The following JRK variants were observed in gnomAD, a reference collection of about 807,000 sequenced individuals.
JRK encodes the protein Jrk helix-turn-helix protein.
For synonymous variants in JRK, 303 were observed against 218.1 expected, an observed-to-expected ratio of 1.39 and a Z score of -3.43; for missense variants, 720 against 509.2, an observed-to-expected ratio of 1.41 and a Z score of -3.98.
chr8:142,654,379 T>A (rs1846713642), downstream of JRK, among the ~76,000 whole-genome samples: 4 of 152,066 alleles, frequency 2.6e-5, no homozygotes, highest in South Asian at 8.3e-4. Flanking sequence ...TCCCTGCTGA[T>A]GTCTTCCCTC....
At position 142,662,344 on chromosome 8, in the gene JRK, C is replaced by T; in HGVS notation, c.*2008G>A. Reference sequence around the variant, plus strand: ...AGCTCCACCCACCCAGGATGTCCTACTGTTTCAGAGCCCTCGGGACATGTT... The same window carrying T: ...AGCTCCACCCACCCAGGATGTCCTATTGTTTCAGAGCCCTCGGGACATGTT... On this transcript the variant is annotated 3_prime_UTR_variant, in exon 2 of 2. Transcript: ENST00000612905. 1 of 985,636 alleles carries T rather than the reference C, an allele frequency of 1.0e-6. No homozygotes were observed. Among genetic ancestry groups the T allele is most frequent in the Non-Finnish European group, 1.2e-6 (1 of 830,076 alleles). The allele number at this position is 985,636 out of a possible 1,614,324, so 61.1% of individuals were successfully genotyped here. A position where few individuals can be genotyped will look rare whatever the true frequency, so the allele number is the denominator to read the frequency against.
In JRK at chr8:142,660,594, G is replaced by A. The variant is rs1423340872; in HGVS notation, c.*3758C>T. ...TTCTTTTACTTTCTGTAGAGATGGG[G>A]TCTCCCTATGTTGCCCAGGCTGGTT... On this transcript the variant is annotated 3_prime_UTR_variant, in exon 2 of 2. Transcript: ENST00000612905. 7 of 731,454 alleles carry A rather than the reference G, an allele frequency of 9.6e-6. No individual in the cohort carries two copies. The highest frequency in any genetic ancestry group is 1.0e-5 in the Non-Finnish European group (6 of 600,182). The allele number at this position is 731,454 out of a possible 1,614,324, so 45.3% of individuals were successfully genotyped here.
intron 1 of JRK, among the ~76,000 whole-genome samples, chr8:142,669,638 C>CA (rs782629602): frequency 1.3e-5 from 2 of 152,058 alleles, no homozygotes; most frequent in South Asian, 2.1e-4. Context: ...GCGTCAAGGC[C>CA]AGGCCTGGCG....
Position 142,662,806 on chromosome 8 carries a change from A to C in JRK, c.*1546T>G, listed in dbSNP as rs938064962. On this transcript the variant is annotated 3_prime_UTR_variant, in exon 2 of 2. Transcript: ENST00000612905. ...AACTACGTGCTGACTCGGCCAAATGATATGAATTTAAGAGAGGAAAAGAAT... is the reference window on the plus strand; with the variant it reads ...AACTACGTGCTGACTCGGCCAAATGCTATGAATTTAAGAGAGGAAAAGAAT... 32 of 985,350 alleles carry C rather than the reference A, an allele frequency of 3.2e-5. No individual in the cohort carries two copies. In the African/African-American group the frequency reaches 4.5e-4, roughly 14 times the overall value. The allele number at this position is 985,350 out of a possible 1,614,324, so 61.0% of individuals were successfully genotyped here.
the JRK span, among the ~76,000 whole-genome samples, chr8:142,648,536 T>C: frequency 6.6e-6 from 1 of 152,246 alleles, no homozygotes; most frequent in Non-Finnish European, 1.5e-5. Flanking sequence ...CTTGGCAGTT[T>C]CCACATGGTG....
chr8:142,646,977 A>AC, the JRK span, among the ~76,000 whole-genome samples: 1 of 152,210 alleles, frequency 6.6e-6, no homozygotes, highest in African/African-American at 2.4e-5. Flanking sequence ...ATATTGAAGG[A>AC]AATGACTCTT....
chr8:142,665,128 C>T lies in JRK; in HGVS notation c.931G>A (p.Val311Met), dbSNP rs895853633. Residue 311 changes from valine to methionine, a missense_variant, in exon 2 of 2, where the codon GTG (valine) becomes ATG (methionine). Coordinates refer to ENST00000612905, the MANE Select transcript of JRK (RefSeq NM_003724.4). ...AAGATGGTGAAAACGTTACTGGACA[C>T]CAGCTCGGCCTCCTGCGGGTGAGCC... ...SRAHPQEAELVSSNVFTIFLP... is the reference protein window; with the variant it reads ...SRAHPQEAELMSSNVFTIFLP... The T allele has an allele frequency of 2.8e-6, 2 of 717,742 alleles. No homozygotes were observed. Among genetic ancestry groups the T allele is most frequent in the Admixed American group, 2.0e-5 (1 of 50,004 alleles). 44.5% of individuals were successfully genotyped at this position (717,742 alleles called of 1,614,324 possible).
the JRK span, among the ~76,000 whole-genome samples, chr8:142,646,547 C>T: frequency 6.6e-6 from 1 of 152,156 alleles, no homozygotes; most frequent in African/African-American, 2.4e-5. Flanking sequence ...TGACACCTTA[C>T]AGTATTTGGC....
intron 1 of JRK, among the ~76,000 whole-genome samples, chr8:142,667,423 G>A (rs999819920): frequency 6.2e-5 from 8 of 128,608 alleles, no homozygotes; most frequent in Non-Finnish European, 1.6e-5. Flanking sequence ...AGACATGGAC[G>A]GACACGGAGA....
the JRK span, among the ~76,000 whole-genome samples, chr8:142,645,995 A>G: frequency 9.9e-6 from 1 of 100,748 alleles, no homozygotes; most frequent in Non-Finnish European, 2.5e-5. Flanking sequence ...TTTTAAAAGC[A>G]CACACTTTTT....
In JRK at chr8:142,659,287, G is replaced by T; in HGVS notation, c.*5065C>A. The T allele has an allele frequency of 9.5e-7, 1 of 1,055,498 alleles. No individual in the cohort carries two copies. Among genetic ancestry groups the T allele is most frequent in the Non-Finnish European group, 1.1e-6 (1 of 872,620 alleles). 65.4% of individuals were successfully genotyped at this position (1,055,498 alleles called of 1,614,324 possible). A position where few individuals can be genotyped will look rare whatever the true frequency, so the allele number is the denominator to read the frequency against. On this transcript the variant is annotated 3_prime_UTR_variant, in exon 2 of 2. Transcript: ENST00000612905. Reference sequence around the variant, plus strand: ...TTGGCTTGGGGTGGCTTAGGACCAGGGCAAGACGCCTGACCCCAGAGCAGA... The same window carrying T: ...TTGGCTTGGGGTGGCTTAGGACCAGTGCAAGACGCCTGACCCCAGAGCAGA...
At chr8:142,654,434 T>A (rs1846714492), downstream of JRK, among the ~76,000 whole-genome samples, 1 of 152,018 alleles carries the variant, frequency 6.6e-6, no homozygotes, top group Admixed American at 6.5e-5. Flanking sequence ...CCAGCCTGAT[T>A]CTGCTGAGCA....
Position 142,659,847 on chromosome 8 carries a change from C to A in JRK, c.*4505G>T. The A allele has an allele frequency of 1.0e-6, 1 of 985,630 alleles. No individual in the cohort carries two copies. The highest frequency in any genetic ancestry group is 1.2e-6 in the Non-Finnish European group (1 of 830,060). The allele number at this position is 985,630 out of a possible 1,614,324, so 61.1% of individuals were successfully genotyped here. ...TCTGCCCTCAGCAACTTCACACCTG[C>A]CCCTCCCTGGGCCCCAGTCTCATCC... On this transcript the variant is annotated 3_prime_UTR_variant, in exon 2 of 2. Transcript: ENST00000612905.
downstream of JRK, among the ~76,000 whole-genome samples, chr8:142,653,343 A>AT (rs1846697881): frequency 6.6e-6 from 1 of 152,188 alleles, no homozygotes; most frequent in Non-Finnish European, 1.5e-5. Context: ...ACTCCTGCAG[A>AT]TAACATCACT....
the JRK span, among the ~76,000 whole-genome samples, chr8:142,651,740 A>G: frequency 6.6e-6 from 1 of 152,184 alleles, no homozygotes; most frequent in African/African-American, 2.4e-5. Context: ...AACTTATATC[A>G]TTACTGAGTG....
rs1290253574 is a variant in JRK at position 142,662,536 on chromosome 8, C to T, written c.*1816G>A. On this transcript the variant is annotated 3_prime_UTR_variant, in exon 2 of 2. Coordinates refer to ENST00000612905, the MANE Select transcript of JRK (RefSeq NM_003724.4). ...GTGACACCACAAAGACAATGGGACA[C>T]AAATGGGAACTGGGACTGTCGTTCA... 3 of 985,450 alleles carry T rather than the reference C, an allele frequency of 3.0e-6. No homozygotes were observed. The highest frequency in any genetic ancestry group is 3.6e-6 in the Non-Finnish European group (3 of 829,954). 61.0% of individuals were successfully genotyped at this position (985,450 alleles called of 1,614,324 possible). A position where few individuals can be genotyped will look rare whatever the true frequency, so the allele number is the denominator to read the frequency against.
At position 142,664,951 on chromosome 8, in the gene JRK, A is replaced by C; in HGVS notation, c.1108T>G (p.Trp370Gly). The C allele has an allele frequency of 1.3e-6, 1 of 787,622 alleles. No homozygotes were observed. Among genetic ancestry groups the C allele is most frequent in the East Asian group, 2.5e-5 (1 of 39,556 alleles). The allele number at this position is 787,622 out of a possible 1,614,324, so 48.8% of individuals were successfully genotyped here. A position where few individuals can be genotyped will look rare whatever the true frequency, so the allele number is the denominator to read the frequency against. Residue 370 changes from tryptophan to glycine, a missense_variant, in exon 2 of 2, where the codon TGG (tryptophan) becomes GGG (glycine). Transcript: ENST00000612905. The stretch of plus-strand genomic sequence containing the variant: ...AAGACGTGGCTAGGGACTGCGTTCC[A>C]GGCACAGGCCACGCTGAATATGGCA... ...NDAIFSVACA[W>G]NAVPSHVFRR...
chr8:142,661,043 A>C lies in JRK; in HGVS notation c.*3309T>G. 1.0e-6 allele frequency: 1 copy of C among 985,360 alleles called. No individual in the cohort carries two copies. The highest frequency in any genetic ancestry group is 1.2e-6 in the Non-Finnish European group (1 of 829,864). The allele number at this position is 985,360 out of a possible 1,614,324, so 61.0% of individuals were successfully genotyped here. On this transcript the variant is annotated 3_prime_UTR_variant, in exon 2 of 2. Coordinates refer to ENST00000612905, the MANE Select transcript of JRK (RefSeq NM_003724.4). ...ATCACTTGGCCCACTGGATAAGAAC[A>C]GTGGCCTGCGACGTCAGGGGCAGTC...
At chr8:142,656,656 AG>A (rs1357776608), downstream of JRK, among the ~76,000 whole-genome samples, 2 of 152,208 alleles carry the variant, frequency 1.3e-5, no homozygotes, top group Admixed American at 6.5e-5. Flanking sequence ...GAGCACCCTT[AG>A]GCTTGAACTT....
Sources: gnomAD v4.1 joint callset for allele counts (sites outside exome capture counted in the v4.1 genomes callset) on GRCh38, gnomAD v4.1.1 for gene constraint, MANE v1.5 for transcripts, NCBI Gene and HGNC (gene_info 2026-07-23, HGNC 2026-07-21) for gene names.